ITPR2: variants seen among roughly 807,000 people sequenced by gnomAD.
The protein encoded by ITPR2 is inositol 1,4,5-trisphosphate-gated calcium channel ITPR2.
A neutral mutation model predicts 317.1 loss-of-function variants in ITPR2; 207 were observed. The observed-to-expected ratio is 0.65, with a 90% CI of 0.58 to 0.73. The LOEUF is 0.73. Among genes scored for constraint, ITPR2 ranks in the 30% least tolerant of loss-of-function variants. The pLI is 0.00. For synonymous variants in ITPR2, 1,156 were observed against 1,149.1 expected, an observed-to-expected ratio of 1.01 and a Z score of -0.12; for missense variants, 2,613 against 3,284.0, an observed-to-expected ratio of 0.80 and a Z score of 4.99.
chr12:26,785,597 A>G (rs1592130024), intron 2 of ITPR2, among the ~76,000 whole-genome samples: 1 of 28,456 alleles, frequency 3.5e-5, no homozygotes, highest in Non-Finnish European at 8.0e-5. Context: ...CCCGTCCGGG[A>G]GGGAGGTGGG....
At position 26,357,265 on chromosome 12, in the gene ITPR2, A is replaced by AGATCG. The variant is rs545846743; in HGVS notation, c.7858-16942_7858-16938dup. On this transcript the variant is annotated intron_variant, in intron 55 of 56. Transcript: ENST00000381340. ...CTGGAAAGGGAAGGAAGGATGCTGG[A>AGATCG]GATCGAGTTCATTCACATGGCCAAT... Among the ~76,000 whole-genome samples, 348 of 152,282 alleles carry AGATCG rather than the reference A, an allele frequency of 2.3e-3. 2 individuals are homozygous for AGATCG. The highest frequency in any genetic ancestry group is 2.5e-3 in the Non-Finnish European group (171 of 68,028).
intron 33 of ITPR2, among the ~76,000 whole-genome samples, chr12:26,579,343 C>A (rs1441653501): frequency 6.6e-6 from 1 of 151,954 alleles, no homozygotes; most frequent in Non-Finnish European, 1.5e-5. Context: ...ATTTGTGGAC[C>A]ACAGAAATGA....
intron 35 of ITPR2, among the ~76,000 whole-genome samples, chr12:26,557,279 C>T (rs138757832): frequency 1.2e-3 from 190 of 152,312 alleles, no homozygotes; most frequent in Non-Finnish European, 2.1e-3. Context: ...CACTCTCTTC[C>T]TTGCTAACAG....
Position 26,602,380 on chromosome 12 carries a change from G to A in ITPR2, c.3668C>T (p.Pro1223Leu), listed in dbSNP as rs1365555242. The change falls in exon 28 of 57, where the codon CCC (proline) becomes CTC (leucine). Residue 1223 changes from proline (P) to leucine (L), a missense_variant. By Grantham distance (98) the Pro-to-Leu change is moderately conservative. This residue lies in a region of ITPR2 where 817 missense variants were observed against 897.6 expected (regional missense o/e 0.91). Transcript: ENST00000381340. ...ATAACCAGGACTAACCTTTTCATAG[G>A]GTATCTGCAGAAGATCCAACACCAC... The part of the protein sequence containing the change: ...HSVVLDLLQI[P>L]YEKNDEKMNE... 1 of 1,612,060 alleles carries A rather than the reference G, an allele frequency of 6.2e-7. No homozygotes were observed. Among genetic ancestry groups the A allele is most frequent in the Non-Finnish European group, 8.5e-7 (1 of 1,179,096 alleles).
At chr12:26,588,412 A>G (rs1255434691) in intron 32 of ITPR2, among the ~76,000 whole-genome samples, 1 of 152,192 alleles carries the variant, frequency 6.6e-6, no homozygotes, top group African/African-American at 2.4e-5. Context: ...TAAGTTATAG[A>G]ATACTTTATA....
intron 10 of ITPR2, among the ~76,000 whole-genome samples, chr12:26,694,746 G>A (rs529185496): frequency 9.2e-5 from 14 of 152,284 alleles, no homozygotes; most frequent in African/African-American, 3.4e-4. Context: ...AACAAGAGAA[G>A]AGCCCACCCA....
chr12:26,567,969 TTATATATATTATA>T, intron 34 of ITPR2, among the ~76,000 whole-genome samples: 1 of 14,404 alleles, frequency 6.9e-5, no homozygotes, highest in East Asian at 8.3e-4. Context: ...TATATATATA[TTATATATATTATA>T]TATATATATA....
At position 26,561,887 on chromosome 12, in the gene ITPR2, T is replaced by C; in HGVS notation, c.4696A>G (p.Ser1566Gly). 1 of 1,586,564 alleles carries C rather than the reference T, an allele frequency of 6.3e-7. No homozygotes were observed. Among genetic ancestry groups the C allele is most frequent in the Non-Finnish European group, 8.5e-7 (1 of 1,172,644 alleles). Residue 1566 changes from serine (S) to glycine (G), a missense_variant, in exon 35 of 57, where the codon AGC (serine) becomes GGC (glycine). Coordinates refer to ENST00000381340, the MANE Select transcript of ITPR2 (RefSeq NM_002223.4). Reference protein sequence around the residue: ...DSQVNTLFMKSHSNMVQRAAM... With the variant: ...DSQVNTLFMKGHSNMVQRAAM... ...GCTCTCTGCACCATATTTGAATGGC[T>C]CTTCATGAAAAGAGTATTAACTTGG...
intron 22 of ITPR2, among the ~76,000 whole-genome samples, chr12:26,630,378 A>G (rs1946719638): frequency 1.3e-5 from 2 of 151,134 alleles, no homozygotes; most frequent in Admixed American, 1.3e-4. Context: ...AGGGCCAGGA[A>G]GAGAGAGAGA....
chr12:26,775,213 G>A (rs1267938566), intron 2 of ITPR2, among the ~76,000 whole-genome samples: 1 of 151,976 alleles, frequency 6.6e-6, no homozygotes, highest in Non-Finnish European at 1.5e-5. Context: ...AACATGAAAT[G>A]AGATTATCAC....
At chr12:26,621,752 G>A (rs899902050) in intron 25 of ITPR2, among the ~76,000 whole-genome samples, 22 of 151,994 alleles carry the variant, frequency 1.4e-4, no homozygotes, top group African/African-American at 5.3e-4. Context: ...TAAATAAATA[G>A]TGAAACATAT....
At chr12:26,664,029 A>G (rs1489278360) in intron 14 of ITPR2, among the ~76,000 whole-genome samples, 183 bp from the exon 15 acceptor site, 1 of 152,214 alleles carries the variant, frequency 6.6e-6, no homozygotes, top group East Asian at 1.9e-4. Context: ...AAGTACTGCC[A>G]AAAGGGTCAC....
chr12:26,782,017 T>G lies in ITPR2; in HGVS notation c.163+8140A>C, dbSNP rs1269562628. Among the ~76,000 whole-genome samples, 321 of 47,928 alleles carry G rather than the reference T, an allele frequency of 6.7e-3. 3 individuals carry two copies. Among genetic ancestry groups the G allele is most frequent in the African/African-American group, 0.021 (251 of 12,146 alleles). The allele number at this position is 47,928 out of a possible 152,430, so 31.4% of individuals were successfully genotyped here. On this transcript the variant is annotated intron_variant, in intron 2 of 56. Coordinates refer to ENST00000381340, the MANE Select transcript of ITPR2 (RefSeq NM_002223.4). ...GTATATATATATATATATATATATATATATATATATATATATGTATAGAGA... is the reference window on the plus strand; with the variant it reads ...GTATATATATATATATATATATATAGATATATATATATATATGTATAGAGA...
At chr12:26,662,101 A>G (rs1307282889) in intron 15 of ITPR2, among the ~76,000 whole-genome samples, 1 of 152,182 alleles carries the variant, frequency 6.6e-6, no homozygotes, top group African/African-American at 2.4e-5. Flanking sequence ...TTTATCTTCT[A>G]GCTAATGTTT....
chr12:26,728,901 G>C (rs1415202680), intron 2 of ITPR2, among the ~76,000 whole-genome samples: 3 of 152,174 alleles, frequency 2.0e-5, no homozygotes, highest in Non-Finnish European at 1.5e-5. Flanking sequence ...TCAGCAAAGA[G>C]TAATGAAAAG....
intron 20 of ITPR2, among the ~76,000 whole-genome samples, chr12:26,655,224 C>T (rs575235642): frequency 6.6e-6 from 1 of 152,166 alleles, no homozygotes; most frequent in South Asian, 2.1e-4. Context: ...AAATCTTACA[C>T]AAATGAAACA....
intron 37 of ITPR2, among the ~76,000 whole-genome samples, chr12:26,515,775 A>G (rs1943471987): frequency 6.6e-6 from 1 of 151,858 alleles, no homozygotes; most frequent in East Asian, 1.9e-4. Context: ...TCATATTTGT[A>G]TCCATAGAAG....
At chr12:26,398,516 T>C (rs1940076280) in intron 54 of ITPR2, among the ~76,000 whole-genome samples, 2 of 152,234 alleles carry the variant, frequency 1.3e-5, no homozygotes, top group Non-Finnish European at 1.5e-5. Context: ...TGAAAAATCA[T>C]ATTTGGATTC....
At chr12:26,734,447 C>T (rs1052623101) in intron 2 of ITPR2, among the ~76,000 whole-genome samples, 3 of 152,140 alleles carry the variant, frequency 2.0e-5, no homozygotes, top group African/African-American at 4.8e-5. Flanking sequence ...ACTATCAATA[C>T]GACAGAAGAG....
Sources: gnomAD v4.1 joint callset for allele counts (sites outside exome capture counted in the v4.1 genomes callset) on GRCh38, gnomAD v4.1.1 for gene constraint, gnomAD v4.1.1 regional missense constraint, MANE v1.5 for transcripts, NCBI Gene and HGNC (gene_info 2026-07-23, HGNC 2026-07-21) for gene names.